Variants in MACROD2 observed in about 807,000 individuals in gnomAD.
MACROD2 encodes mono-ADP ribosylhydrolase 2.
Under a neutral mutation model 70.4 loss-of-function variants are expected in MACROD2, and 36 were observed. The ratio of observed to expected loss-of-function variants is 0.51; its 90% CI spans 0.39 to 0.68. The LOEUF (loss-of-function observed/expected upper bound fraction) is 0.68. MACROD2 is among the 30% of genes least tolerant of loss of function. The pLI, the probability that MACROD2 is intolerant of heterozygous loss-of-function variation, is 0.00. For missense variants in MACROD2, 496 were observed against 538.4 expected, an observed-to-expected ratio of 0.92 and a Z score of 0.78; for synonymous variants, 172 against 178.8, an observed-to-expected ratio of 0.96 and a Z score of 0.30.
At chr20:14,699,584 T>C (rs1251291087) in intron 5 of MACROD2, among the ~76,000 whole-genome samples, 1 of 152,188 alleles carries the variant, frequency 6.6e-6, no homozygotes, top group Non-Finnish European at 1.5e-5. Context: ...GGAGATAATA[T>C]TAATTTTACA....
intron 3 of MACROD2, among the ~76,000 whole-genome samples, chr20:14,380,142 C>T (rs1311414283): frequency 2.6e-5 from 4 of 151,980 alleles, no homozygotes; most frequent in East Asian, 1.9e-4. Flanking sequence ...TTTTAGCCAT[C>T]CTAGTGGGTA....
chr20:14,047,347 T>G (rs2148645227), intron 2 of MACROD2, among the ~76,000 whole-genome samples: 1 of 150,416 alleles, frequency 6.6e-6, no homozygotes, highest in East Asian at 2.0e-4. Flanking sequence ...CCTAGCTATT[T>G]GGGAGGCTGA....
At chr20:15,254,717 G>A (rs2077183865) in intron 6 of MACROD2, among the ~76,000 whole-genome samples, 1 of 152,086 alleles carries the variant, frequency 6.6e-6, no homozygotes, top group Non-Finnish European at 1.5e-5. Context: ...AGTTCTATGA[G>A]GTTGCTATGA....
At chr20:15,417,623 A>C (rs2046172894) in intron 6 of MACROD2, among the ~76,000 whole-genome samples, 1 of 148,166 alleles carries the variant, frequency 6.7e-6, no homozygotes, top group Non-Finnish European at 1.5e-5. Flanking sequence ...AAAAGAAAGA[A>C]AGAAAGAAAA....
At chr20:15,349,901 G>C (rs536592224) in intron 6 of MACROD2, among the ~76,000 whole-genome samples, 1 of 152,190 alleles carries the variant, frequency 6.6e-6, no homozygotes, top group African/African-American at 2.4e-5. Flanking sequence ...ATCTTGGCTG[G>C]AGCGAGATGT....
At chr20:14,780,846 T>G (rs2072291950) in intron 5 of MACROD2, among the ~76,000 whole-genome samples, 1 of 152,114 alleles carries the variant, frequency 6.6e-6, no homozygotes, top group Non-Finnish European at 1.5e-5. Context: ...AAAACTTTTT[T>G]AAAGATAGCT....
intron 3 of MACROD2, among the ~76,000 whole-genome samples, chr20:14,203,052 A>C (rs2081493331): frequency 6.6e-6 from 1 of 151,888 alleles, no homozygotes; most frequent in Non-Finnish European, 1.5e-5. Context: ...CATCTTAGAA[A>C]AAAAAAAAAG....
rs1287572492 is a variant in MACROD2, at chr20:14,918,244, G to A, written c.418+233285G>A. 3.3e-5 allele frequency among the ~76,000 whole-genome samples: 5 copies of A among 152,268 alleles called. 1 individual carries two copies. Among genetic ancestry groups the A allele is most frequent in the Admixed American group, 2.6e-4 (4 of 15,294 alleles). On this transcript the variant is annotated intron_variant, in intron 5 of 17. Coordinates refer to ENST00000684519, the MANE Select transcript of MACROD2 (RefSeq NM_001351661.2). Reference sequence around the variant, plus strand: ...ACCTGCCTCGGCCTCCCAAAGTGCTGGGATTACAGGCATGAGCAACTGGAC... The same window carrying A: ...ACCTGCCTCGGCCTCCCAAAGTGCTAGGATTACAGGCATGAGCAACTGGAC...
intron 5 of MACROD2, among the ~76,000 whole-genome samples, chr20:15,086,046 C>G (rs534089661): frequency 1.3e-5 from 2 of 152,020 alleles, no homozygotes; most frequent in East Asian, 3.9e-4. Flanking sequence ...ATTAGAACCT[C>G]GCTCTGGTGA....
chr20:15,439,667 G>C (rs991010533), intron 7 of MACROD2, among the ~76,000 whole-genome samples: 6 of 152,174 alleles, frequency 3.9e-5, no homozygotes, highest in African/African-American at 1.4e-4. Context: ...GACAGGATGA[G>C]AGCAGACACT....
intron 8 of MACROD2, among the ~76,000 whole-genome samples, chr20:15,561,596 C>T (rs761469334): frequency 1.1e-4 from 17 of 151,794 alleles, no homozygotes; most frequent in Non-Finnish European, 2.1e-4. Context: ...CTTTATCCTT[C>T]GTGAAAATCA....
In MACROD2 at chr20:15,712,180, A is replaced by G. The variant is rs909758586; in HGVS notation, c.646-150565A>G. On this transcript the variant is annotated intron_variant, in intron 8 of 17. Transcript: ENST00000684519. Reference sequence around the variant, plus strand: ...AAAGGTATAAAACAGGCATCTTCAAACTATTTCTTAAGAAGGCTAGAGTCA... The same window carrying G: ...AAAGGTATAAAACAGGCATCTTCAAGCTATTTCTTAAGAAGGCTAGAGTCA... Among the ~76,000 whole-genome samples, 8 of 152,334 alleles carry G rather than the reference A, an allele frequency of 5.3e-5. No homozygotes were observed. In the South Asian group the frequency reaches 1.7e-3, roughly 32 times the overall value.
At chr20:15,963,147 C>A (rs1349466287) in intron 12 of MACROD2, among the ~76,000 whole-genome samples, 1 of 152,092 alleles carries the variant, frequency 6.6e-6, no homozygotes, top group Non-Finnish European at 1.5e-5. Flanking sequence ...AATCAGTTAA[C>A]GAGAATCAAA....
rs1283651256 is a variant in MACROD2, at chr20:15,729,799, G to C, written c.646-132946G>C. On this transcript the variant is annotated intron_variant, in intron 8 of 17. Coordinates refer to ENST00000684519, the MANE Select transcript of MACROD2 (RefSeq NM_001351661.2). ...ATGGGTGTCATTGCATGTGAGATGG[G>C]TGTCTTGAACACAGCATGCAGTTGG... Among the ~76,000 whole-genome samples, 8 of 138,094 alleles carry C rather than the reference G, an allele frequency of 5.8e-5. No homozygotes were observed. The East Asian group carries it at 1.7e-3, about 29-fold the overall frequency. The allele number at this position is 138,094 out of a possible 152,430, so 90.6% of individuals were successfully genotyped here.
Position 15,802,136 on chromosome 20 carries a change from A to G in MACROD2, c.646-60609A>G, listed in dbSNP as rs573412433. Among the ~76,000 whole-genome samples, 8 of 152,216 alleles carry G rather than the reference A, an allele frequency of 5.3e-5. No individual in the cohort carries two copies. The South Asian group carries it at 1.7e-3, about 32-fold the overall frequency. On this transcript the variant is annotated intron_variant, in intron 8 of 17. Coordinates refer to ENST00000684519, the MANE Select transcript of MACROD2 (RefSeq NM_001351661.2). Reference sequence around the variant, plus strand: ...GTTAGTCTGTATATAAGATCATATCATCTGTGGGAAGGGACAAATTGACTT... The same window carrying G: ...GTTAGTCTGTATATAAGATCATATCGTCTGTGGGAAGGGACAAATTGACTT...
chr20:15,870,015 T>G (rs187900579), intron 9 of MACROD2, among the ~76,000 whole-genome samples: 5 of 152,188 alleles, frequency 3.3e-5, no homozygotes, highest in Admixed American at 2.6e-4. Flanking sequence ...GATAATAATT[T>G]TTAATATCTT....
At chr20:15,044,163 C>G (rs532176790) in intron 5 of MACROD2, among the ~76,000 whole-genome samples, 23 of 152,236 alleles carry the variant, frequency 1.5e-4, no homozygotes, top group African/African-American at 4.6e-4. Flanking sequence ...ATGGTCGGAT[C>G]CTCTGGCAAC....
chr20:15,340,683 C>T (rs969697807), intron 6 of MACROD2, among the ~76,000 whole-genome samples: 1 of 152,038 alleles, frequency 6.6e-6, no homozygotes, highest in Non-Finnish European at 1.5e-5. Flanking sequence ...CTTTTAGCAC[C>T]CTTCCGATGC....
intron 2 of MACROD2, among the ~76,000 whole-genome samples, chr20:14,031,082 C>G (rs1056710120): frequency 1.3e-5 from 2 of 152,172 alleles, no homozygotes; most frequent in Non-Finnish European, 2.9e-5. Context: ...GCTAACAGCT[C>G]TAGCCTGGGA....
Sources: gnomAD v4.1 joint callset for allele counts (sites outside exome capture counted in the v4.1 genomes callset) on GRCh38, gnomAD v4.1.1 for gene constraint, MANE v1.5 for transcripts, NCBI Gene and HGNC (gene_info 2026-07-23, HGNC 2026-07-21) for gene names.